The following PLEKHA7 variants were observed in gnomAD, a reference collection of about 807,000 sequenced individuals.
PLEKHA7 encodes the protein pleckstrin homology domain containing A7.
In PLEKHA7, 104 loss-of-function variants were observed where a neutral mutation model predicts 170.0. The ratio of observed to expected loss-of-function variants is 0.61; its 90% confidence interval spans 0.52 to 0.72. The LOEUF is 0.72. Among genes scored for constraint, PLEKHA7 ranks in the 30% least tolerant of loss-of-function variants. The pLI is 0.00. For missense variants in PLEKHA7, 1,615 were observed against 1,671.7 expected (o/e 0.97, Z 0.59); for synonymous variants, 648 against 660.8 (o/e 0.98, Z 0.30).
intron 3 of PLEKHA7, among the ~76,000 whole-genome samples, chr11:16,922,595 T>G (rs941533585): frequency 6.6e-6 from 1 of 152,338 alleles, no homozygotes; most frequent in South Asian, 2.1e-4. Flanking sequence ...AACTTTGTGC[T>G]TTTGCAAACC....
intron 3 of PLEKHA7, among the ~76,000 whole-genome samples, chr11:16,957,706 T>C (rs1473346723): frequency 1.5e-5 from 2 of 137,384 alleles, no homozygotes; most frequent in Admixed American, 7.2e-5. Flanking sequence ...TCTTTTTTTT[T>C]TTTTTTTTTT....
rs1209045333 is a variant in PLEKHA7 at position 17,013,951 on chromosome 11, G to A, written c.221+38C>T. On this transcript the variant is annotated intron_variant, in intron 3 of 26. Coordinates refer to ENST00000531066, the MANE Select transcript of PLEKHA7 (RefSeq NM_001329630.2). ...GGGAACGGGGAGGGACCCCCCCCCC[G>A]CGGCACAGGTGCGAGCGCGGCGGCC... The A allele has an allele frequency of 3.4e-6, 5 of 1,486,334 alleles. No homozygotes were observed. In the East Asian group the frequency reaches 1.1e-4, roughly 34 times the overall value. 92.1% of individuals were successfully genotyped at this position (1,486,334 alleles called of 1,614,324 possible). A position where few individuals can be genotyped will look rare whatever the true frequency, so the allele number is the denominator to read the frequency against.
chr11:16,830,060 C>T (rs1479400242), intron 9 of PLEKHA7, among the ~76,000 whole-genome samples: 1 of 152,078 alleles, frequency 6.6e-6, no homozygotes, highest in African/African-American at 2.4e-5. Context: ...CTCACCGCAG[C>T]CTCAACCTCC....
At chr11:16,902,860 A>G (rs532131417) in intron 3 of PLEKHA7, among the ~76,000 whole-genome samples, 7 of 152,356 alleles carry the variant, frequency 4.6e-5, no homozygotes, top group African/African-American at 9.6e-5. Context: ...GGCACACAAT[A>G]AACAGTCAGC....
At chr11:16,898,554 A>G (rs1396753672) in intron 3 of PLEKHA7, among the ~76,000 whole-genome samples, 3 of 152,196 alleles carry the variant, frequency 2.0e-5, no homozygotes, top group African/African-American at 7.2e-5. Flanking sequence ...AAGAAGAAGC[A>G]AGGCTGAATG....
At chr11:17,013,764 T>A (rs1274537480) in intron 3 of PLEKHA7, among the ~76,000 whole-genome samples, 1 of 151,760 alleles carries the variant, frequency 6.6e-6, no homozygotes, top group Non-Finnish European at 1.5e-5. Context: ...CTGCGGCCTC[T>A]TCCCCCCCGG....
intron 3 of PLEKHA7, among the ~76,000 whole-genome samples, chr11:16,956,343 C>T (rs1246233060): frequency 1.3e-5 from 2 of 152,188 alleles, no homozygotes; most frequent in African/African-American, 2.4e-5. Flanking sequence ...AATACTCATT[C>T]TGTACCAGGC....
chr11:17,009,660 G>C (rs1279878924), intron 3 of PLEKHA7, among the ~76,000 whole-genome samples: 1 of 148,762 alleles, frequency 6.7e-6, no homozygotes, highest in Non-Finnish European at 1.5e-5. Flanking sequence ...TTTACAGACA[G>C]GGTCTCACTC....
intron 3 of PLEKHA7, among the ~76,000 whole-genome samples, chr11:16,979,439 A>T (rs1863280335): frequency 6.6e-6 from 1 of 152,130 alleles, no homozygotes; most frequent in Non-Finnish European, 1.5e-5. Context: ...CATTTTACAG[A>T]CATGGGATCT....
chr11:16,957,689 A>ATATTTTTTTTTTTTT lies in PLEKHA7; in HGVS notation c.221+56299_221+56300insAAAAAAAAAAAAATA. On this transcript the variant is annotated intron_variant, in intron 3 of 26. Coordinates refer to ENST00000531066, the MANE Select transcript of PLEKHA7 (RefSeq NM_001329630.2). ...ATATTACATGAATTTTACCTCAATAATTTTTTTCTTTTTTTTTTTTTTTTT... is the reference window on the plus strand; with the variant it reads ...ATATTACATGAATTTTACCTCAATAATATTTTTTTTTTTTTTTTTTTTCTTTTTTTTTTTTTTTTT... 1.7e-5 allele frequency among the ~76,000 whole-genome samples: 2 copies of ATATTTTTTTTTTTTT among 118,226 alleles called. 1 individual carries two copies. The highest frequency in any genetic ancestry group is 3.5e-5 in the Non-Finnish European group (2 of 56,582). 77.6% of individuals were successfully genotyped at this position (118,226 alleles called of 152,430 possible).
intron 3 of PLEKHA7, among the ~76,000 whole-genome samples, chr11:17,011,338 G>A (rs906274534): frequency 3.9e-5 from 6 of 151,910 alleles, no homozygotes; most frequent in African/African-American, 9.7e-5. Flanking sequence ...CTGCAGCATC[G>A]ACTTCTTCCT....
chr11:16,782,132 C>T (rs150450137), intron 26 of PLEKHA7, among the ~76,000 whole-genome samples: 88 of 150,434 alleles, frequency 5.8e-4, no homozygotes, highest in African/African-American at 2.0e-3. Context: ...CACATACACA[C>T]ACACATAGAC....
intron 4 of PLEKHA7, among the ~76,000 whole-genome samples, chr11:16,866,451 G>A (rs1427340567): frequency 6.6e-6 from 1 of 152,064 alleles, no homozygotes; most frequent in Non-Finnish European, 1.5e-5. Flanking sequence ...AATTAGCTGG[G>A]TGTGGTGGCG....
intron 3 of PLEKHA7, among the ~76,000 whole-genome samples, chr11:16,901,925 T>C (rs75313047): frequency 5.3e-4 from 81 of 152,296 alleles, no homozygotes; most frequent in Non-Finnish European, 1.1e-3. Flanking sequence ...CTGAGAGTTA[T>C]ACGATCATCA....
intron 10 of PLEKHA7, among the ~76,000 whole-genome samples, chr11:16,825,351 C>T (rs1461782454): frequency 2.6e-5 from 4 of 152,200 alleles, no homozygotes; most frequent in African/African-American, 4.8e-5. Context: ...CTGGCGCATC[C>T]GCTGCAATCC....
rs201543002 is a variant in PLEKHA7 at position 16,817,129 on chromosome 11, G to C, written c.1537C>G (p.Arg513Gly). Residue 513 changes from arginine to glycine, a missense_variant, in exon 11 of 27, where the codon CGG becomes GGG. Transcript: ENST00000531066. This position sits in a 1 kb window ranked among gnomAD's most constrained non-coding sequence, Gnocchi z 4.4. The stretch of plus-strand genomic sequence containing the variant: ...CACACGGTGCCATCCCGGTGCGCCC[G>C]GCGCTCTTCACTCGACATCTTCAGG... ...SHLKMSSEERRAHRDGTVWQL... is the reference protein window; with the variant it reads ...SHLKMSSEERGAHRDGTVWQL... 6.2e-7 allele frequency: 1 copy of C among 1,614,176 alleles called. No homozygotes were observed. The highest frequency in any genetic ancestry group is 1.1e-5 in the South Asian group (1 of 91,082).
chr11:16,820,352 G>C (rs573932541), intron 10 of PLEKHA7, among the ~76,000 whole-genome samples: 1 of 152,338 alleles, frequency 6.6e-6, no homozygotes, highest in Non-Finnish European at 1.5e-5. Context: ...ATTGCTGTGA[G>C]GATTTGAAAT....
At position 16,855,807 on chromosome 11, in the gene PLEKHA7, G is replaced by A. The variant is rs1323758407; in HGVS notation, c.413C>T (p.Pro138Leu). ...TASTLEAKPG[P>L]KIIKSSSKVH... ...AACAAGTGGCCAGGAGCTCACCTTG[G>A]GTCCAGGCTTGGCCTCCAGGGTGGA... Residue 138 changes from proline to leucine, a missense_variant, in exon 5 of 27, where the codon CCC (proline) becomes CTC (leucine). By Grantham distance (98) the Pro-to-Leu change is moderately conservative. Coordinates refer to ENST00000531066, the MANE Select transcript of PLEKHA7 (RefSeq NM_001329630.2). The A allele has an allele frequency of 6.2e-7, 1 of 1,606,082 alleles. No individual in the cohort carries two copies. Among genetic ancestry groups the A allele is most frequent in the Non-Finnish European group, 8.5e-7 (1 of 1,173,968 alleles).
chr11:16,785,974 T>C (rs910960084), intron 24 of PLEKHA7, among the ~76,000 whole-genome samples: 6 of 152,182 alleles, frequency 3.9e-5, no homozygotes, highest in African/African-American at 7.2e-5. Context: ...CACAACCCAC[T>C]TCACTGTTGA....
Sources: gnomAD v4.1 joint callset for allele counts (sites outside exome capture counted in the v4.1 genomes callset) on GRCh38, gnomAD v4.1.1 for gene constraint, Gnocchi (gnomAD v3.1) non-coding constraint, MANE v1.5 for transcripts, NCBI Gene and HGNC (gene_info 2026-07-23, HGNC 2026-07-21) for gene names.